The following OPA1 variants were observed in gnomAD, a reference collection of about 807,000 sequenced individuals.
The protein encoded by OPA1 is OPA1 mitochondrial dynamin like GTPase.
A neutral mutation model predicts 152.9 loss-of-function variants in OPA1; 59 were observed. The ratio of observed to expected loss-of-function variants is 0.39; its 90% confidence interval spans 0.31 to 0.48. The LOEUF is 0.48. Among genes scored for constraint, OPA1 ranks in the 20% least tolerant of loss-of-function variants. The probability of loss-of-function intolerance (pLI) is 0.96; values close to 1 mark genes in which losing one functional copy is unlikely to be tolerated. For missense variants in OPA1, 1,008 were observed against 1,216.8 expected, an observed-to-expected ratio of 0.83 and a Z score of 2.55; for synonymous variants, 400 against 389.9, an observed-to-expected ratio of 1.03 and a Z score of -0.31.
chr3:193,642,639 A>C lies in OPA1; in HGVS notation c.1150-126A>C, dbSNP rs1339358167. 6 of 732,606 alleles carry C rather than the reference A, an allele frequency of 8.2e-6. No individual in the cohort carries two copies. In the African/African-American group the frequency reaches 1.1e-4, roughly 13 times the overall value. 45.4% of individuals were successfully genotyped at this position (732,606 alleles called of 1,614,324 possible). A position where few individuals can be genotyped will look rare whatever the true frequency, so the allele number is the denominator to read the frequency against. ...TGTTGACAGCTTCAGGGGGTGCCCC[A>C]GCAGTAGTGTGAAGGGACTCTTGGA... On this transcript the variant is annotated intron_variant, in intron 11 of 30. Transcript: ENST00000361510.
intron 1 of OPA1, among the ~76,000 whole-genome samples, chr3:193,609,586 C>T (rs1273466447): frequency 3.9e-5 from 6 of 152,140 alleles, no homozygotes; most frequent in African/African-American, 1.4e-4. Flanking sequence ...TGTTGGCCTG[C>T]CTTGCTAGAT....
chr3:193,665,047 A>ATATGCT lies in OPA1; in HGVS notation c.2778+54_2778+59dup, dbSNP rs752629715. 4 of 987,990 alleles carry ATATGCT rather than the reference A, an allele frequency of 4.0e-6. No homozygotes were observed. The African/African-American group carries it at 6.3e-5, about 16-fold the overall frequency. The allele number at this position is 987,990 out of a possible 1,614,324, so 61.2% of individuals were successfully genotyped here. A position where few individuals can be genotyped will look rare whatever the true frequency, so the allele number is the denominator to read the frequency against. Reference sequence around the variant, plus strand: ...GTATTTTTAAGCAACAGTTGTCAAAATATGCTTAAAAGTAAACTTTAGCTT... The same window carrying ATATGCT: ...GTATTTTTAAGCAACAGTTGTCAAAATATGCTTATGCTTAAAAGTAAACTTTAGCTT... On this transcript the variant is annotated intron_variant, in intron 27 of 30. Transcript: ENST00000361510.
chr3:193,611,819 T>C (rs975523416), intron 1 of OPA1, among the ~76,000 whole-genome samples: 1 of 149,918 alleles, frequency 6.7e-6, no homozygotes, highest in Admixed American at 6.7e-5. Context: ...ACTTCTGTAA[T>C]CTGAAACTGG....
chr3:193,616,804 A>T (rs7646250), intron 3 of OPA1, among the ~76,000 whole-genome samples: 78,635 of 152,112 alleles, frequency 0.52, 20,977 homozygotes, highest in African/African-American at 0.64. Flanking sequence ...GAATTAATCT[A>T]TACTTGCACT....
intron 29 of OPA1, among the ~76,000 whole-genome samples, chr3:193,669,307 A>T (rs1230917366): frequency 6.6e-6 from 1 of 152,086 alleles, no homozygotes; most frequent in African/African-American, 2.4e-5. Context: ...TCTTCCTTTA[A>T]ATATTCTTCT....
intron 22 of OPA1, among the ~76,000 whole-genome samples, chr3:193,655,531 C>A (rs1236783817): frequency 6.6e-6 from 1 of 152,192 alleles, no homozygotes; most frequent in African/African-American, 2.4e-5. Flanking sequence ...GAATCTATTT[C>A]TGCTACCATG....
chr3:193,608,454 T>C (rs1158805591), intron 1 of OPA1, among the ~76,000 whole-genome samples: 1 of 152,226 alleles, frequency 6.6e-6, no homozygotes, highest in Non-Finnish European at 1.5e-5. Context: ...CTTCATTTCG[T>C]TATGTACCCA....
intron 6 of OPA1, among the ~76,000 whole-genome samples, chr3:193,622,620 T>G (rs946068245): frequency 3.3e-5 from 5 of 152,194 alleles, no homozygotes; most frequent in African/African-American, 1.2e-4. Context: ...CTTTATAGCA[T>G]AGCTCAATTG....
At chr3:193,634,365 TG>T (rs760221697) in intron 8 of OPA1, among the ~76,000 whole-genome samples, 16 of 152,104 alleles carry the variant, frequency 1.1e-4, no homozygotes, top group African/African-American at 1.7e-4. Flanking sequence ...TGTTTTGTTT[TG>T]TTTTTTTGTC....
At chr3:193,693,514 C>A (rs986917418) in intron 30 of OPA1, among the ~76,000 whole-genome samples, 1 of 152,084 alleles carries the variant, frequency 6.6e-6, no homozygotes, top group Non-Finnish European at 1.5e-5. Context: ...CTGGCACATG[C>A]CTGTAATCCC....
At chr3:193,635,571 T>C (rs1185736579) in intron 9 of OPA1, 49 bp downstream of exon 9, 1 of 1,070,208 alleles carries the variant, frequency 9.3e-7, no homozygotes, top group Non-Finnish European at 1.5e-6. Flanking sequence ...CGCTTAACGT[T>C]GTGTGTTCAT....
chr3:193,624,857 T>C (rs1730789924), intron 6 of OPA1, among the ~76,000 whole-genome samples: 1 of 152,116 alleles, frequency 6.6e-6, no homozygotes, highest in Non-Finnish European at 1.5e-5. Flanking sequence ...TTTCTAATTA[T>C]ATAAAATAAA....
At chr3:193,655,964 T>C (rs1713715053) in intron 22 of OPA1, among the ~76,000 whole-genome samples, 1 of 152,204 alleles carries the variant, frequency 6.6e-6, no homozygotes, top group South Asian at 2.1e-4. Flanking sequence ...TGCTCCAGTG[T>C]TAACTTCCTT....
chr3:193,630,082 A>G (rs1485703579), intron 7 of OPA1, among the ~76,000 whole-genome samples: 1 of 152,238 alleles, frequency 6.6e-6, no homozygotes, highest in Admixed American at 6.5e-5. Flanking sequence ...GGCATGCCAA[A>G]TGATCATAAT....
chr3:193,674,957 G>A (rs910227316), intron 29 of OPA1, among the ~76,000 whole-genome samples: 2 of 152,112 alleles, frequency 1.3e-5, no homozygotes, highest in African/African-American at 4.8e-5. Context: ...TGCCATCCCC[G>A]ATTACCGTGT....
chr3:193,649,069 C>A (rs189667690), intron 21 of OPA1, among the ~76,000 whole-genome samples, 198 bp downstream of exon 21: 1 of 152,132 alleles, frequency 6.6e-6, no homozygotes, highest in East Asian at 1.9e-4. Flanking sequence ...CTTTTTAAAT[C>A]TTGATTCTCT....
intron 6 of OPA1, among the ~76,000 whole-genome samples, chr3:193,619,440 C>G (rs1205539940): frequency 1.3e-5 from 2 of 152,136 alleles, no homozygotes. Context: ...GGAAATAAAT[C>G]AATTCCCTGA....
chr3:193,692,113 C>T lies in OPA1; in HGVS notation c.3034C>T (p.His1012Tyr), dbSNP rs1346813499. 1 of 1,541,010 alleles carries T rather than the reference C, an allele frequency of 6.5e-7. No homozygotes were observed. Among genetic ancestry groups the T allele is most frequent in the Non-Finnish European group, 8.9e-7 (1 of 1,125,044 alleles). The part of the protein sequence containing the change: ...EKLDAFIEAL[H>Y]QEK ...ACTTGATGCTTTCATTGAAGCTCTT[C>T]ATCAGGAGAAATAAATTAAGTGAGT... is the stretch of plus-strand genomic sequence containing the variant. Residue 1012 changes from histidine to tyrosine, a missense_variant, in exon 30 of 31, where the codon CAT becomes TAT. Transcript: ENST00000361510.
chr3:193,660,938 G>A (rs1287370425), intron 25 of OPA1, among the ~76,000 whole-genome samples: 1 of 152,180 alleles, frequency 6.6e-6, no homozygotes, highest in African/African-American at 2.4e-5. Flanking sequence ...TGCTGTAAGG[G>A]AGATAAACTG....
Sources: gnomAD v4.1 joint callset for allele counts (sites outside exome capture counted in the v4.1 genomes callset) on GRCh38, gnomAD v4.1.1 for gene constraint, MANE v1.5 for transcripts, NCBI Gene and HGNC (gene_info 2026-07-23, HGNC 2026-07-21) for gene names.